The following APC2 variants were observed in gnomAD, a reference collection of about 807,000 sequenced individuals.
APC2 encodes adenomatous polyposis coli protein 2.
A neutral mutation model predicts 72.5 loss-of-function variants in APC2; 41 were observed. The ratio of observed to expected loss-of-function variants is 0.57; its 90% CI spans 0.44 to 0.73. The LOEUF is 0.73. Among genes scored for constraint, APC2 ranks in the 30% least tolerant of loss-of-function variants. The pLI is 0.00. For missense variants in APC2, 3,729 were observed against 3,403.4 expected (o/e 1.10, Z -2.38); for synonymous variants, 1,898 against 1,612.0 (o/e 1.18, Z -4.25).
chr19:1,455,631 G>A, intron 6 of APC2, 131 bp downstream of exon 6: 1 of 908,372 alleles, frequency 1.1e-6, no homozygotes, highest in East Asian at 2.7e-5. Flanking sequence ...GGGGGGCGCG[G>A]GTTCTGGTTC....
intron 10 of APC2, chr19:1,458,386 T>TA (rs1327124003): frequency 1.2e-5 from 4 of 338,770 alleles, no homozygotes; most frequent in African/African-American, 8.6e-5. Context: ...ATTGGAACTG[T>TA]AGGGGGTGTT....
intron 13 of APC2, 147 bp from the exon 14 acceptor site, chr19:1,461,816 C>T: frequency 1.5e-6 from 1 of 663,840 alleles, no homozygotes; most frequent in Non-Finnish European, 2.5e-6. Context: ...CTCGCCACTG[C>T]ACTCCAGCCT....
At chr19:1,460,349 C>A in intron 11 of APC2, 29 bp downstream of exon 11, 1 of 1,612,668 alleles carries the variant, frequency 6.2e-7, no homozygotes, top group Non-Finnish European at 8.5e-7. Flanking sequence ...TGGGCTGGCA[C>A]TTTCCTCATC....
chr19:1,470,291 G>C lies in APC2; in HGVS notation c.*78G>C. Reference sequence around the variant, plus strand: ...GGCTGCCCCATGGGCCTGCGCTGTAGACGTCCCCCATAGGTCGCCCCAGGG... The same window carrying C: ...GGCTGCCCCATGGGCCTGCGCTGTACACGTCCCCCATAGGTCGCCCCAGGG... On this transcript the variant is annotated 3_prime_UTR_variant, in exon 15 of 15. Coordinates refer to ENST00000590469, the MANE Select transcript of APC2 (RefSeq NM_005883.3). The C allele has an allele frequency of 6.9e-7, 1 of 1,447,992 alleles. No individual in the cohort carries two copies. Among genetic ancestry groups the C allele is most frequent in the South Asian group, 1.4e-5 (1 of 72,166 alleles). 89.7% of individuals were successfully genotyped at this position (1,447,992 alleles called of 1,614,324 possible).
rs755330785 is a variant in APC2, at chr19:1,466,269, G to T, written c.2968G>T (p.Val990Leu). The change falls in exon 15 of 15, where the codon GTG (valine) becomes TTG (leucine). Residue 990 changes from valine to leucine, a missense_variant. Transcript: ENST00000590469. ...CGAGGCCACCTCCGCCGACGCCCGCGTGCGCACCATCAAGCTGTCGCCTAC... is the reference window on the plus strand; with the variant it reads ...CGAGGCCACCTCCGCCGACGCCCGCTTGCGCACCATCAAGCTGTCGCCTAC... ...AREATSADAR[V>L]RTIKLSPTYQ... The T allele has an allele frequency of 1.3e-6, 2 of 1,531,546 alleles. No homozygotes were observed. The highest frequency in any genetic ancestry group is 1.7e-6 in the Non-Finnish European group (2 of 1,145,504). The allele number at this position is 1,531,546 out of a possible 1,614,324, so 94.9% of individuals were successfully genotyped here.
In APC2 at chr19:1,454,858, C is replaced by T. The variant is rs915536275; in HGVS notation, c.414-291C>T. Among the ~76,000 whole-genome samples, 136 of 152,264 alleles carry T rather than the reference C, an allele frequency of 8.9e-4. 1 individual carries two copies. The highest frequency in any genetic ancestry group is 3.1e-3 in the African/African-American group (129 of 41,542). On this transcript the variant is annotated intron_variant, in intron 4 of 14. Transcript: ENST00000590469. The stretch of plus-strand genomic sequence containing the variant: ...CTGGGATTACAGGCGTGAGCCACCG[C>T]GCCCGGCCGGCTATTTTTATATTTT...
In APC2 at chr19:1,467,151, C is replaced by A; in HGVS notation, c.3850C>A (p.His1284Asn). ...CASSLSALAL[H>N]EHYVQQDVEL... ...CTCCAGCCTCAGCGCGCTGGCCTTG[C>A]ACGAGCACTACGTGCAGCAGGACGT... The change falls in exon 15 of 15, where the codon CAC becomes AAC. Residue 1284 changes from histidine to asparagine, a missense_variant. His to Asn is a moderately conservative substitution (Grantham distance 68, BLOSUM62 1). Transcript: ENST00000590469. 1.3e-6 allele frequency: 2 copies of A among 1,565,904 alleles called. No individual in the cohort carries two copies. Among genetic ancestry groups the A allele is most frequent in the Non-Finnish European group, 1.7e-6 (2 of 1,155,986 alleles).
In APC2 at chr19:1,467,457, G is replaced by C. The variant is rs1433067414; in HGVS notation, c.4156G>C (p.Asp1386His). ...LVPAPAPAQEDDSCTDSAEGT... is the reference protein window; with the variant it reads ...LVPAPAPAQEHDSCTDSAEGT... Reference sequence around the variant, plus strand: ...GCCCGCCCCGGCCCCGGCCCAGGAGGACGACTCCTGCACTGACTCCGCGGA... The same window carrying C: ...GCCCGCCCCGGCCCCGGCCCAGGAGCACGACTCCTGCACTGACTCCGCGGA... Residue 1386 changes from aspartate to histidine, a missense_variant, in exon 15 of 15, where the codon GAC becomes CAC. Physicochemically the swap from Asp to His is moderately conservative, Grantham distance 81. Coordinates refer to ENST00000590469, the MANE Select transcript of APC2 (RefSeq NM_005883.3). 6.8e-7 allele frequency: 1 copy of C among 1,471,730 alleles called. No individual in the cohort carries two copies. The highest frequency in any genetic ancestry group is 1.9e-4 in the Middle Eastern group (1 of 5,170). The allele number at this position is 1,471,730 out of a possible 1,614,324, so 91.2% of individuals were successfully genotyped here.
chr19:1,454,544 G>A (rs1270203463), intron 4 of APC2, among the ~76,000 whole-genome samples: 1 of 146,850 alleles, frequency 6.8e-6, no homozygotes, highest in African/African-American at 2.6e-5. Context: ...GCACCATCAT[G>A]CCTGGCTAAT....
In APC2 at chr19:1,465,933, G is replaced by C. The variant is rs763429777; in HGVS notation, c.2632G>C (p.Asp878His). The C allele has an allele frequency of 6.3e-7, 1 of 1,585,546 alleles. No individual in the cohort carries two copies. Among genetic ancestry groups the C allele is most frequent in the African/African-American group, 1.4e-5 (1 of 72,796 alleles). ...SDDSFSLSSG[D>H]PGQEAPREGR... ...CGATAGCTTCAGCCTCAGCTCTGGA[G>C]ACCCGGGACAGGAGGCGCCACGGGA... The change falls in exon 15 of 15, where the codon GAC becomes CAC. Residue 878 changes from aspartate (D) to histidine (H), a missense_variant. Transcript: ENST00000590469.
chr19:1,457,482 G>A, intron 9 of APC2: 1 of 582,822 alleles, frequency 1.7e-6, no homozygotes, highest in Non-Finnish European at 2.9e-6. Context: ...TGGATCGTGG[G>A]TAACTCTGGA....
rs751420917 is a variant in APC2, at chr19:1,466,129, T to G, written c.2828T>G (p.Leu943Arg). Residue 943 changes from leucine (L) to arginine (R), a missense_variant, in exon 15 of 15, where the codon CTG (leucine) becomes CGG (arginine). Transcript: ENST00000590469. ...SDGYCPREHM[L>R]PCPLAALASR... ...GGGTACTGCCCACGCGAACATATGC[T>G]GCCCTGCCCGCTGGCCGCACTGGCT... 1 of 1,565,132 alleles carries G rather than the reference T, an allele frequency of 6.4e-7. No homozygotes were observed. Among genetic ancestry groups the G allele is most frequent in the East Asian group, 2.4e-5 (1 of 41,976 alleles).
chr19:1,456,927 C>T lies in APC2; in HGVS notation c.891C>T (p.Ala297=), dbSNP rs942843980. The T allele has an allele frequency of 2.6e-6, 4 of 1,567,094 alleles. No individual in the cohort carries two copies. The highest frequency in any genetic ancestry group is 1.8e-5 in the Admixed American group (1 of 55,216). ...DQEDTARTLL[A]MSSSPESCVA... ...AGGATACAGCGCGCACGCTGCTGGCCATGTCCAGCTCGCCCGAGAGCTGCG... is the reference window on the plus strand; with the variant it reads ...AGGATACAGCGCGCACGCTGCTGGCTATGTCCAGCTCGCCCGAGAGCTGCG... Residue 297 remains alanine, a synonymous_variant, in exon 9 of 15, where the codon GCC becomes GCT. Coordinates refer to ENST00000590469, the MANE Select transcript of APC2 (RefSeq NM_005883.3).
chr19:1,450,537 G>A (rs1047173448), intron 1 of APC2, among the ~76,000 whole-genome samples, 199 bp downstream of exon 1: 1 of 152,204 alleles, frequency 6.6e-6, no homozygotes, highest in African/African-American at 2.4e-5. Context: ...ACCCACTCAC[G>A]GGCTTCACCA....
At chr19:1,448,997 C>G (rs1055620925), upstream of APC2, among the ~76,000 whole-genome samples, 1 of 152,256 alleles carries the variant, frequency 6.6e-6, no homozygotes, top group South Asian at 2.1e-4. Flanking sequence ...CAGCCCCTGG[C>G]AGTGCTGGCC....
chr19:1,458,316 C>T (rs2083870684), intron 10 of APC2: 1 of 547,140 alleles, frequency 1.8e-6, no homozygotes, highest in African/African-American at 1.9e-5. Flanking sequence ...CCTAAGTTCC[C>T]TGGGGCTCAG....
rs936120956 is a variant in APC2, at chr19:1,465,998, G to A, written c.2697G>A (p.Glu899=). ...AQSCSPCRGP[E]GGRREAGSRA... is the part of the protein sequence containing the mutation. Reference sequence around the variant, plus strand: ...CCTGCTCGCCATGCCGCGGCCCGGAGGGCGGGCGGCGAGAGGCAGGAAGCC... The same window carrying A: ...CCTGCTCGCCATGCCGCGGCCCGGAAGGCGGGCGGCGAGAGGCAGGAAGCC... Residue 899 remains glutamate, a synonymous_variant, in exon 15 of 15, where the codon GAG becomes GAA. Coordinates refer to ENST00000590469, the MANE Select transcript of APC2 (RefSeq NM_005883.3). 2.0e-6 allele frequency: 3 copies of A among 1,508,584 alleles called. No homozygotes were observed. Among genetic ancestry groups the A allele is most frequent in the African/African-American group, 1.5e-5 (1 of 68,900 alleles). The allele number at this position is 1,508,584 out of a possible 1,614,324, so 93.4% of individuals were successfully genotyped here.
At position 1,457,983 on chromosome 19, in the gene APC2, C is replaced by G; in HGVS notation, c.1226C>G (p.Pro409Arg). ...CCCACAGCCCCGATCCCCATCGAGCCGCAGATCTGCCAGGCCACCTGTGCT... is the reference window on the plus strand; with the variant it reads ...CCCACAGCCCCGATCCCCATCGAGCGGCAGATCTGCCAGGCCACCTGTGCT... ...GAGSAPIPIEPQICQATCAVM... is the reference protein window; with the variant it reads ...GAGSAPIPIERQICQATCAVM... Residue 409 changes from proline (P) to arginine (R), a missense_variant, in exon 10 of 15, where the codon CCG (proline) becomes CGG (arginine). By Grantham distance (103) the Pro-to-Arg change is moderately radical. Coordinates refer to ENST00000590469, the MANE Select transcript of APC2 (RefSeq NM_005883.3). 3 of 1,561,194 alleles carry G rather than the reference C, an allele frequency of 1.9e-6. No homozygotes were observed. Among genetic ancestry groups the G allele is most frequent in the Non-Finnish European group, 2.6e-6 (3 of 1,151,810 alleles).
chr19:1,460,959 T>C (rs2083913268), intron 12 of APC2, 78 bp from the exon 13 acceptor site: 4 of 1,594,746 alleles, frequency 2.5e-6, no homozygotes, highest in Non-Finnish European at 3.4e-6. Flanking sequence ...CGTCCGACTC[T>C]CTGCAGACTC....
Sources: allele counts gnomAD v4.1 joint callset (sites outside exome capture counted in the v4.1 genomes callset), GRCh38; gene constraint gnomAD v4.1.1; transcripts MANE v1.5; gene names NCBI Gene and HGNC (gene_info 2026-07-23, HGNC 2026-07-21).